Variants in SNAP23 observed in about 807,000 individuals in gnomAD.
SNAP23 encodes the protein synaptosome associated protein 23.
Under a neutral mutation model 29.0 loss-of-function variants are expected in SNAP23, and 11 were observed. The ratio of observed to expected loss-of-function variants is 0.38; its 90% CI spans 0.24 to 0.63. The LOEUF (loss-of-function observed/expected upper bound fraction) is 0.63, where lower values mean the gene tolerates loss of function less well. Among genes scored for constraint, SNAP23 ranks in the 20% least tolerant of loss-of-function variants. The pLI is 0.58. For missense variants in SNAP23, 220 were observed against 253.9 expected, an observed-to-expected ratio of 0.87 and a Z score of 0.91; for synonymous variants, 60 against 82.9, an observed-to-expected ratio of 0.72 and a Z score of 1.50.
intron 3 of SNAP23, 53 bp downstream of exon 3, chr15:42,513,049 T>TATA: frequency 8.0e-7 from 1 of 1,250,280 alleles, no homozygotes; most frequent in Non-Finnish European, 1.2e-6. Flanking sequence ...GGAGCGATCC[T>TATA]AATACTTCTG....
At chr15:42,511,660 C>T (rs939711475) in intron 1 of SNAP23, among the ~76,000 whole-genome samples, 173 bp from the exon 2 acceptor site, 1 of 152,130 alleles carries the variant, frequency 6.6e-6, no homozygotes. Context: ...TTTAGCCTCT[C>T]TCGGTCTTGA....
chr15:42,524,364 G>A (rs562915315), intron 5 of SNAP23, among the ~76,000 whole-genome samples: 2 of 152,136 alleles, frequency 1.3e-5, no homozygotes, highest in South Asian at 4.2e-4. Flanking sequence ...CTACAGCAGG[G>A]GCCCTCAACC....
At chr15:42,495,005 T>C (rs766081759), upstream of SNAP23, among the ~76,000 whole-genome samples, 9 of 152,188 alleles carry the variant, frequency 5.9e-5, no homozygotes, top group Non-Finnish European at 8.8e-5. Context: ...GTTGGCCTTC[T>C]AAAGCTTTCT....
intron 1 of SNAP23, among the ~76,000 whole-genome samples, chr15:42,504,753 G>T (rs1312806192): frequency 1.3e-5 from 2 of 152,026 alleles, no homozygotes; most frequent in Non-Finnish European, 2.9e-5. Flanking sequence ...ATTAACTTGG[G>T]GTCACACAAC....
At chr15:42,505,184 TC>T (rs2057306988) in intron 1 of SNAP23, 1 of 152,014 alleles carries the variant, frequency 6.6e-6, no homozygotes, top group Non-Finnish European at 1.5e-5. Flanking sequence ...AGCCTCTGCC[TC>T]CCAGGCTCAA....
chr15:42,515,177 C>A, intron 4 of SNAP23, 60 bp from the exon 5 acceptor site: 1 of 999,830 alleles, frequency 1.0e-6, no homozygotes, highest in Non-Finnish European at 1.5e-6. Context: ...ATAATAATAG[C>A]ATTTTCTGGT....
At chr15:42,495,906 AC>A (rs2057215481) in intron 1 of SNAP23, 193 bp downstream of exon 1, 2 of 152,288 alleles carry the variant, frequency 1.3e-5, no homozygotes, top group Non-Finnish European at 2.9e-5. Context: ...ACATCGAGGG[AC>A]CAGTGGAGGA....
intron 1 of SNAP23, among the ~76,000 whole-genome samples, chr15:42,498,842 A>C (rs1035599130): frequency 6.6e-6 from 1 of 152,190 alleles, no homozygotes; most frequent in African/African-American, 2.4e-5. Context: ...TTAAGTGATC[A>C]TATCACTTAG....
chr15:42,512,836 C>G (rs899739626), intron 2 of SNAP23, 119 bp from the exon 3 acceptor site: 1 of 696,696 alleles, frequency 1.4e-6, no homozygotes, highest in Admixed American at 2.4e-5. Flanking sequence ...AGGCATGAGC[C>G]ACTGTGCCCG....
intron 1 of SNAP23, among the ~76,000 whole-genome samples, chr15:42,497,209 T>TGCA (rs2057227261): frequency 6.8e-6 from 1 of 147,176 alleles, no homozygotes. Flanking sequence ...GGCTAATTTT[T>TGCA]TTTTTTTTTT....
chr15:42,498,283 G>T (rs2057240550), intron 1 of SNAP23, among the ~76,000 whole-genome samples: 1 of 152,186 alleles, frequency 6.6e-6, no homozygotes, highest in South Asian at 2.1e-4. Flanking sequence ...TTCTCCATGA[G>T]GTCTCTTCCA....
chr15:42,512,137 T>C, intron 2 of SNAP23: 1 of 282,628 alleles, frequency 3.5e-6, no homozygotes, highest in East Asian at 6.2e-5. Flanking sequence ...ATTACTTAAG[T>C]GTAACAAAGA....
intron 1 of SNAP23, among the ~76,000 whole-genome samples, chr15:42,504,666 A>C (rs1175309788): frequency 7.1e-6 from 1 of 140,818 alleles, no homozygotes; most frequent in Non-Finnish European, 1.6e-5. Context: ...TAATCTTCAC[A>C]AAAAAAACAA....
intron 2 of SNAP23, 23 bp downstream of exon 2, chr15:42,511,926 G>A: frequency 6.6e-7 from 1 of 1,511,572 alleles, no homozygotes; most frequent in Non-Finnish European, 9.1e-7. Context: ...CCTAAAATAA[G>A]TAAATAATTC....
intron 6 of SNAP23, among the ~76,000 whole-genome samples, chr15:42,528,896 T>C (rs2057534266): frequency 1.3e-5 from 2 of 152,216 alleles, no homozygotes; most frequent in South Asian, 4.1e-4. Context: ...AGACAAAATG[T>C]TGACTGTGGT....
chr15:42,504,860 T>C (rs1014904836), intron 1 of SNAP23, among the ~76,000 whole-genome samples: 8 of 152,196 alleles, frequency 5.3e-5, no homozygotes, highest in African/African-American at 1.9e-4. Flanking sequence ...TGCGGATGCA[T>C]TGGTTACCAT....
chr15:42,496,576 G>A (rs1218338512), intron 1 of SNAP23, among the ~76,000 whole-genome samples: 2 of 152,070 alleles, frequency 1.3e-5, no homozygotes, highest in Non-Finnish European at 2.9e-5. Flanking sequence ...AATTAGCCAG[G>A]CGTGGTGGTA....
intron 5 of SNAP23, among the ~76,000 whole-genome samples, chr15:42,526,388 A>C (rs892412949): frequency 3.9e-5 from 6 of 152,176 alleles, no homozygotes; most frequent in African/African-American, 1.4e-4. Flanking sequence ...TGATAACTTA[A>C]AGTGGTACCA....
chr15:42,515,179 T>C, intron 4 of SNAP23, 58 bp from the exon 5 acceptor site: 1 of 1,051,646 alleles, frequency 9.5e-7, no homozygotes. Context: ...AATAATAGCA[T>C]TTTCTGGTTG....
Sources: allele counts gnomAD v4.1 joint callset (sites outside exome capture counted in the v4.1 genomes callset), GRCh38; gene constraint gnomAD v4.1.1; transcripts MANE v1.5; gene names NCBI Gene and HGNC (gene_info 2026-07-23, HGNC 2026-07-21).